Variants in RBMS1 observed in about 807,000 individuals in gnomAD.
The protein encoded by RBMS1 is RNA binding motif single stranded interacting protein 1.
In RBMS1, 17 loss-of-function variants were observed where a neutral mutation model predicts 62.3. The observed-to-expected ratio is 0.27, with a 90% CI of 0.19 to 0.41. RBMS1 has a LOEUF of 0.41. Among genes scored for constraint, RBMS1 ranks in the 10% least tolerant of loss-of-function variants. RBMS1 has a pLI of 1.00. For synonymous variants in RBMS1, 172 were observed against 170.0 expected (o/e 1.01, Z -0.09); for missense variants, 334 against 504.5 (o/e 0.66, Z 3.24).
At chr2:160,479,803 T>A (rs1462879670) in intron 1 of RBMS1, among the ~76,000 whole-genome samples, 1 of 152,168 alleles carries the variant, frequency 6.6e-6, no homozygotes, top group Non-Finnish European at 1.5e-5. Context: ...TGTTATAAAT[T>A]CCCAGAATCA....
At chr2:160,436,831 T>C (rs948296359) in intron 1 of RBMS1, among the ~76,000 whole-genome samples, 1 of 152,078 alleles carries the variant, frequency 6.6e-6, no homozygotes, top group Non-Finnish European at 1.5e-5. Flanking sequence ...ATTGCCACCA[T>C]CTAATAAAAA....
chr2:160,299,927 A>G (rs1689124973), intron 6 of RBMS1, among the ~76,000 whole-genome samples: 1 of 152,210 alleles, frequency 6.6e-6, no homozygotes, highest in Non-Finnish European at 1.5e-5. Flanking sequence ...CTTTGGCTGC[A>G]TGGATATAAC....
intron 1 of RBMS1, among the ~76,000 whole-genome samples, chr2:160,491,706 G>A (rs1351525754): frequency 6.6e-6 from 1 of 152,154 alleles, no homozygotes; most frequent in Non-Finnish European, 1.5e-5. Flanking sequence ...ACCCAATGCT[G>A]CATAATTTAA....
intron 1 of RBMS1, among the ~76,000 whole-genome samples, chr2:160,462,610 T>C (rs1309863571): frequency 2.0e-5 from 3 of 152,144 alleles, no homozygotes; most frequent in African/African-American, 7.2e-5. Context: ...GCCATAGTCA[T>C]TTCTTTCTTT....
At chr2:160,481,771 A>C (rs1685382051) in intron 1 of RBMS1, among the ~76,000 whole-genome samples, 1 of 152,216 alleles carries the variant, frequency 6.6e-6, no homozygotes, top group Non-Finnish European at 1.5e-5. Flanking sequence ...CAACATCACT[A>C]ATCATCAGGA....
chr2:160,410,351 T>C (rs1006399946), intron 1 of RBMS1, among the ~76,000 whole-genome samples: 20 of 152,076 alleles, frequency 1.3e-4, no homozygotes, highest in Admixed American at 9.8e-4. Flanking sequence ...ATATATGTTT[T>C]AAAAAAACAA....
intron 2 of RBMS1, among the ~76,000 whole-genome samples, chr2:160,327,827 C>T (rs1227561094): frequency 2.0e-5 from 3 of 152,126 alleles, no homozygotes; most frequent in Non-Finnish European, 4.4e-5. Flanking sequence ...ATGTCTCAAA[C>T]ACTGATGAAT....
At chr2:160,364,877 C>A (rs1693315457) in intron 2 of RBMS1, among the ~76,000 whole-genome samples, 1 of 152,130 alleles carries the variant, frequency 6.6e-6, no homozygotes, top group South Asian at 2.1e-4. Flanking sequence ...CCTAATTCAG[C>A]CTCACCAGGT....
intron 2 of RBMS1, among the ~76,000 whole-genome samples, chr2:160,332,612 G>A (rs1444396539): frequency 6.6e-6 from 1 of 151,996 alleles, no homozygotes; most frequent in Non-Finnish European, 1.5e-5. Context: ...TTCCTCTCCC[G>A]CTTTGTTCAG....
chr2:160,381,558 G>C (rs774989542), intron 1 of RBMS1, among the ~76,000 whole-genome samples: 4 of 152,152 alleles, frequency 2.6e-5, no homozygotes, highest in Non-Finnish European at 4.4e-5. Context: ...CAAGGTCACC[G>C]AGGAGGTAGC....
chr2:160,338,763 GAA>G, intron 2 of RBMS1, among the ~76,000 whole-genome samples: 1 of 152,282 alleles, frequency 6.6e-6, no homozygotes, highest in East Asian at 1.9e-4. Flanking sequence ...GTTCAAAAAA[GAA>G]AAGGTAGTGG....
At chr2:160,373,513 T>A (rs1324848440) in intron 1 of RBMS1, among the ~76,000 whole-genome samples, 17 of 152,172 alleles carry the variant, frequency 1.1e-4, no homozygotes, top group Non-Finnish European at 1.9e-4. Context: ...CTTCAAAAGT[T>A]CTTCTAAGAA....
intron 1 of RBMS1, among the ~76,000 whole-genome samples, chr2:160,477,556 C>G (rs1326184608): frequency 6.6e-6 from 1 of 151,870 alleles, no homozygotes. Context: ...ATGTATGCCA[C>G]CATGCCTGGC....
chr2:160,372,212 T>C (rs1336693907), intron 1 of RBMS1, among the ~76,000 whole-genome samples: 1 of 151,518 alleles, frequency 6.6e-6, no homozygotes, highest in African/African-American at 2.4e-5. Context: ...GCCACTTCTC[T>C]AATAATTCTA....
At position 160,491,217 on chromosome 2, in the gene RBMS1, A is replaced by G. The variant is rs115427688; in HGVS notation, c.75+2072T>C. Among the ~76,000 whole-genome samples, 514 of 152,306 alleles carry G rather than the reference A, an allele frequency of 3.4e-3. 5 individuals are homozygous for G. The highest frequency in any genetic ancestry group is 0.012 in the African/African-American group (493 of 41,556). ...CTTCTGAGATAATCAAGATACTTGT[A>G]CAACAGGGAATTTAGACTTAATTAC... On this transcript the variant is annotated intron_variant, in intron 1 of 13. Transcript: ENST00000348849.
chr2:160,478,488 T>C lies in RBMS1; in HGVS notation c.75+14801A>G, dbSNP rs188938127. ...ACAAACCATTTCTCCTAATATCTAATTAATCTTTAGTATGCCATGGTTCCT... is the reference window on the plus strand; with the variant it reads ...ACAAACCATTTCTCCTAATATCTAACTAATCTTTAGTATGCCATGGTTCCT... On this transcript the variant is annotated intron_variant, in intron 1 of 13. Coordinates refer to ENST00000348849, the MANE Select transcript of RBMS1 (RefSeq NM_016836.4). Among the ~76,000 whole-genome samples, 7 of 152,354 alleles carry C rather than the reference T, an allele frequency of 4.6e-5. No homozygotes were observed. In the East Asian group the frequency reaches 1.3e-3, roughly 29 times the overall value.
intron 1 of RBMS1, among the ~76,000 whole-genome samples, chr2:160,401,758 A>G (rs571350468): frequency 1.3e-5 from 2 of 152,332 alleles, no homozygotes; most frequent in Middle Eastern, 3.4e-3. Flanking sequence ...AGAATGATCA[A>G]TGCTCTTTTT....
chr2:160,319,590 C>T (rs979738385), intron 2 of RBMS1, among the ~76,000 whole-genome samples: 3 of 152,330 alleles, frequency 2.0e-5, no homozygotes, highest in Middle Eastern at 3.4e-3. Flanking sequence ...CTGAGTCTCA[C>T]GTTTCCTCAT....
intron 2 of RBMS1, among the ~76,000 whole-genome samples, chr2:160,326,182 A>G (rs968247547): frequency 6.6e-6 from 1 of 152,224 alleles, no homozygotes; most frequent in African/African-American, 2.4e-5. Flanking sequence ...TACGGGAAAG[A>G]TAAGTACAGT....
Sources: allele counts gnomAD v4.1 joint callset (sites outside exome capture counted in the v4.1 genomes callset), GRCh38; gene constraint gnomAD v4.1.1; transcripts MANE v1.5; gene names NCBI Gene and HGNC (gene_info 2026-07-23, HGNC 2026-07-21).